The following MSTO1 variants were observed in gnomAD, a reference collection of about 807,000 sequenced individuals.
MSTO1 encodes misato mitochondrial distribution and morphology regulator 1.
MSTO1 carries 24 observed loss-of-function variants against 55.7 expected under a neutral mutation model. The observed-to-expected ratio is 0.43, with a 90% CI of 0.31 to 0.61. The LOEUF (loss-of-function observed/expected upper bound fraction) is 0.61, where lower values mean the gene tolerates loss of function less well. MSTO1 is among the 20% of genes least tolerant of loss of function. The probability of loss-of-function intolerance (pLI) is 0.09; values close to 1 mark genes in which losing one functional copy is unlikely to be tolerated. For missense variants in MSTO1, 363 were observed against 625.7 expected, an observed-to-expected ratio of 0.58 and a Z score of 4.48; for synonymous variants, 162 against 252.8, an observed-to-expected ratio of 0.64 and a Z score of 3.41.
At chr1:155,580,893 G>A in the MSTO1 span, among the ~76,000 whole-genome samples, 1 of 132,928 alleles carries the variant, frequency 7.5e-6, no homozygotes, top group Non-Finnish European at 1.6e-5. Context: ...GGGTAACAGA[G>A]TGAGACTCTG....
chr1:155,594,457 A>C, the MSTO1 span, among the ~76,000 whole-genome samples: 1 of 152,156 alleles, frequency 6.6e-6, no homozygotes, highest in Non-Finnish European at 1.5e-5. Context: ...GTTGAAGTAG[A>C]ATGAGCAGAA....
chr1:155,602,092 T>C, the MSTO1 span: 1 of 695,854 alleles, frequency 1.4e-6, no homozygotes, highest in African/African-American at 1.8e-5. Context: ...GGGTGAAAAA[T>C]TGCCGGGATG....
the MSTO1 span, chr1:155,598,937 TTC>T: frequency 3.8e-6 from 5 of 1,322,352 alleles, no homozygotes; most frequent in Admixed American, 1.8e-5. Flanking sequence ...CTGTCTTGTC[TTC>T]TCTCTGTTAG....
chr1:155,585,288 C>A, the MSTO1 span, among the ~76,000 whole-genome samples: 7 of 152,190 alleles, frequency 4.6e-5, no homozygotes, highest in East Asian at 1.4e-3. Context: ...CTTTGGGAGG[C>A]CAAGGCGGGC....
At chr1:155,578,087 T>C in the MSTO1 span, among the ~76,000 whole-genome samples, 1 of 152,020 alleles carries the variant, frequency 6.6e-6, no homozygotes. Flanking sequence ...ATTTTGATAG[T>C]AGCAATATTT....
intron 11 of MSTO1, 50 bp from the exon 12 acceptor site, chr1:155,613,394 AACATAAGAATTCTGTTTC>A (rs1182255270): frequency 6.2e-7 from 1 of 1,605,090 alleles, no homozygotes; most frequent in Non-Finnish European, 8.5e-7. Context: ...ATGGCCTGAG[AACATAAGAATTCTGTTTC>A]TTATTCATGC....
chr1:155,575,800 ATTTATTTATT>A, the MSTO1 span, among the ~76,000 whole-genome samples: 1 of 130,166 alleles, frequency 7.7e-6, no homozygotes, highest in Non-Finnish European at 1.6e-5. Flanking sequence ...TTTTATTTTT[ATTTATTTATT>A]TATTTATTTA....
chr1:155,614,766 CAG>C lies in MSTO1; in HGVS notation c.*494_*495del, dbSNP rs1675247171. 6.4e-7 allele frequency: 1 copy of C among 1,559,710 alleles called. No homozygotes were observed. The highest frequency in any genetic ancestry group is 8.8e-7 in the Non-Finnish European group (1 of 1,134,622). ...CAGACAGAAGGTCCCCATGGTCAGA[CAG>C]CTGGTCTGCATTGCTGGTACTGGTT... On this transcript the variant is annotated 3_prime_UTR_variant, in exon 14 of 14. Transcript: ENST00000245564.
the MSTO1 span, among the ~76,000 whole-genome samples, chr1:155,597,519 T>C: frequency 6.6e-6 from 1 of 151,940 alleles, no homozygotes; most frequent in Non-Finnish European, 1.5e-5. Context: ...TGCAAACTTT[T>C]TTTTTTTTTA....
Position 155,612,336 on chromosome 1 carries a change from G to C in MSTO1, c.813+20G>C. Reference sequence around the variant, plus strand: ...CGTGGGGTGAGTGGAACTTAGAGAAGTAAACAGTCACACAGTGGGGAGGGA... The same window carrying C: ...CGTGGGGTGAGTGGAACTTAGAGAACTAAACAGTCACACAGTGGGGAGGGA... On this transcript the variant is annotated intron_variant, in intron 8 of 13. Transcript: ENST00000245564. 2 of 1,576,694 alleles carry C rather than the reference G, an allele frequency of 1.3e-6. No homozygotes were observed. The highest frequency in any genetic ancestry group is 2.7e-5 in the African/African-American group (2 of 74,118).
At chr1:155,592,790 A>G in the MSTO1 span, among the ~76,000 whole-genome samples, 7 of 152,018 alleles carry the variant, frequency 4.6e-5, no homozygotes, top group Non-Finnish European at 7.4e-5. Flanking sequence ...CCTGACCTCA[A>G]GTGATCCACC....
the MSTO1 span, among the ~76,000 whole-genome samples, chr1:155,598,447 G>C: frequency 6.6e-6 from 1 of 152,190 alleles, no homozygotes; most frequent in African/African-American, 2.4e-5. Flanking sequence ...ACACTGGCCA[G>C]GTGCAGTAGC....
chr1:155,577,042 AGTTAG>A, the MSTO1 span, among the ~76,000 whole-genome samples: 1 of 133,058 alleles, frequency 7.5e-6, no homozygotes, highest in African/African-American at 2.8e-5. Context: ...AAAAAAAAAA[AGTTAG>A]AAAACTCACC....
chr1:155,601,299 A>T, the MSTO1 span, among the ~76,000 whole-genome samples: 4 of 143,590 alleles, frequency 2.8e-5, no homozygotes, highest in African/African-American at 7.8e-5. Flanking sequence ...ACGCCCGGCT[A>T]TTTTTTTTTG....
chr1:155,574,708 A>G, the MSTO1 span, among the ~76,000 whole-genome samples: 1 of 152,140 alleles, frequency 6.6e-6, no homozygotes, highest in South Asian at 2.1e-4. Flanking sequence ...CCAGAACTAC[A>G]GGCACAGGCA....
At chr1:155,576,184 ATAAGT>A in the MSTO1 span, among the ~76,000 whole-genome samples, 19 of 151,956 alleles carry the variant, frequency 1.3e-4, no homozygotes, top group East Asian at 3.9e-4. Context: ...TATTATGGAG[ATAAGT>A]TAAGTTCTAT....
chr1:155,600,573 A>G, the MSTO1 span, among the ~76,000 whole-genome samples: 3 of 137,984 alleles, frequency 2.2e-5, no homozygotes, highest in Non-Finnish European at 4.4e-5. Context: ...TTTGAGATGG[A>G]GTCTTGCTCT....
the MSTO1 span, among the ~76,000 whole-genome samples, chr1:155,580,047 G>C: frequency 2.0e-5 from 3 of 150,040 alleles, no homozygotes. Flanking sequence ...CTGCCCTCCA[G>C]CCTGGGCAAC....
At chr1:155,579,784 G>A in the MSTO1 span, among the ~76,000 whole-genome samples, 1 of 151,958 alleles carries the variant, frequency 6.6e-6, no homozygotes, top group Non-Finnish European at 1.5e-5. Context: ...CTTAGACTAG[G>A]TCGACATAAT....
Sources: gnomAD v4.1 joint callset for allele counts (sites outside exome capture counted in the v4.1 genomes callset) on GRCh38, gnomAD v4.1.1 for gene constraint, MANE v1.5 for transcripts, NCBI Gene and HGNC (gene_info 2026-07-23, HGNC 2026-07-21) for gene names.